MRPL19: variants seen among roughly 807,000 people sequenced by gnomAD.
The protein encoded by MRPL19 is mitochondrial ribosomal protein L19.
A neutral mutation model predicts 34.0 loss-of-function variants in MRPL19; 31 were observed. The observed-to-expected ratio is 0.91, with a 90% CI of 0.68 to 1.23. The LOEUF (loss-of-function observed/expected upper bound fraction) is 1.23. Among genes scored for constraint, MRPL19 ranks in the 50% most tolerant of loss-of-function variants. The pLI is 0.00. For missense variants in MRPL19, 384 were observed against 367.6 expected (o/e 1.04, Z -0.37); for synonymous variants, 152 against 127.7 (o/e 1.19, Z -1.28).
At chr2:75,654,711 A>G in intron 4 of MRPL19, 25 bp from the exon 5 acceptor site, 1 of 1,608,162 alleles carries the variant, frequency 6.2e-7, no homozygotes. Context: ...TTAGATTGTA[A>G]GAATATGTTT....
chr2:75,653,227 T>C (rs987317201), intron 4 of MRPL19, among the ~76,000 whole-genome samples: 32 of 152,240 alleles, frequency 2.1e-4, no homozygotes, highest in African/African-American at 7.5e-4. Flanking sequence ...AGTTGTGTGC[T>C]TCATGAAGTT....
chr2:75,654,648 T>C, intron 4 of MRPL19, 88 bp from the exon 5 acceptor site: 1 of 1,254,432 alleles, frequency 8.0e-7, no homozygotes, highest in Non-Finnish European at 1.1e-6. Context: ...TTTGTGCTAA[T>C]TCCTTTATGA....
chr2:75,656,026 T>C lies in MRPL19; in HGVS notation c.*741T>C, dbSNP rs1192566444. On this transcript the variant is annotated 3_prime_UTR_variant, in exon 6 of 6. Transcript: ENST00000393909. ...CAGAGGCCAATTTTGAGCAAATTCA[T>C]GGCTAAGGTTATGAGTGAGTTCTGC... 2.0e-5 allele frequency: 3 copies of C among 152,228 alleles called. No individual in the cohort carries two copies. The highest frequency in any genetic ancestry group is 7.2e-5 in the African/African-American group (3 of 41,456). 9.4% of individuals were successfully genotyped at this position (152,228 alleles called of 1,614,324 possible). A position where few individuals can be genotyped will look rare whatever the true frequency, so the allele number is the denominator to read the frequency against.
At chr2:75,652,748 T>A in intron 4 of MRPL19, 91 bp downstream of exon 4, 1 of 1,421,498 alleles carries the variant, frequency 7.0e-7, no homozygotes, top group Non-Finnish European at 9.6e-7. Context: ...AATCTGAAAT[T>A]TGAAAGTAAA....
intron 2 of MRPL19, among the ~76,000 whole-genome samples, chr2:75,649,770 C>T (rs1230155491): frequency 6.6e-6 from 1 of 152,058 alleles, no homozygotes; most frequent in Non-Finnish European, 1.5e-5. Flanking sequence ...GCTGGGACTA[C>T]AGGTGCCCGC....
chr2:75,647,247 G>C (rs778639577), intron 2 of MRPL19, 28 bp downstream of exon 2: 117 of 1,555,072 alleles, frequency 7.5e-5, no homozygotes, highest in Non-Finnish European at 9.7e-5. Flanking sequence ...CGCTAGGCCG[G>C]CAACTGGGGT....
chr2:75,647,171 CG>C lies in MRPL19; in HGVS notation c.174del (p.Lys59AsnfsTer18). 1.3e-6 allele frequency: 2 copies of C among 1,579,778 alleles called. No homozygotes were observed. The highest frequency in any genetic ancestry group is 1.7e-6 in the Non-Finnish European group (2 of 1,162,388). The part of the protein sequence containing the change: ...PSEPGAFQPP[P>X]KPVIVDKHRP... ...GAGCCCGGTGCGTTCCAACCGCCGC[CG>C]AAACCGGTCATCGTGGACAAGCACC... On this transcript the variant is annotated frameshift_variant, in exon 2 of 6. Coordinates refer to ENST00000393909, the MANE Select transcript of MRPL19 (RefSeq NM_014763.4). LOFTEE classifies it high-confidence loss of function.
chr2:75,650,071 A>G (rs1479986376), intron 2 of MRPL19, among the ~76,000 whole-genome samples: 1 of 152,238 alleles, frequency 6.6e-6, no homozygotes, highest in African/African-American at 2.4e-5. Flanking sequence ...TAAAATTTTC[A>G]AAGTAGAAAA....
rs1333177802 is a variant in MRPL19 at position 75,658,364 on chromosome 2, T to A, written c.*3079T>A. Among the ~76,000 whole-genome samples, 1 of 152,172 alleles carries A rather than the reference T, an allele frequency of 6.6e-6. No homozygotes were observed. The highest frequency in any genetic ancestry group is 1.5e-5 in the Non-Finnish European group (1 of 68,024). On this transcript the variant is annotated 3_prime_UTR_variant, in exon 6 of 6. Transcript: ENST00000393909. ...TTCATTTGTTTTTATGACTAAATAA[T>A]ATTCCATTGTATGTATATACATTTT...
chr2:75,651,429 C>G (rs1173920495), intron 2 of MRPL19: 1 of 537,160 alleles, frequency 1.9e-6, no homozygotes, highest in African/African-American at 1.9e-5. Context: ...CCTAGCTGTC[C>G]TCTGGACTCA....
In MRPL19 at chr2:75,655,356, A is replaced by C. The variant is rs750483960; in HGVS notation, c.*71A>C. On this transcript the variant is annotated 3_prime_UTR_variant, in exon 6 of 6. Coordinates refer to ENST00000393909, the MANE Select transcript of MRPL19 (RefSeq NM_014763.4). ...AGAGGATATATTTTGAGACCAATTT[A>C]ATTTCATTTATAAGAACATAGTAAT... is the stretch of plus-strand genomic sequence containing the variant. 104 of 1,096,322 alleles carry C rather than the reference A, an allele frequency of 9.5e-5. No individual in the cohort carries two copies. The highest frequency in any genetic ancestry group is 1.3e-4 in the Non-Finnish European group (99 of 752,362). The allele number at this position is 1,096,322 out of a possible 1,614,324, so 67.9% of individuals were successfully genotyped here.
chr2:75,649,894 A>G (rs1168613064), intron 2 of MRPL19, among the ~76,000 whole-genome samples: 2 of 152,164 alleles, frequency 1.3e-5, no homozygotes, highest in African/African-American at 4.8e-5. Flanking sequence ...CGGCCTCCCA[A>G]GTGTTGGGAT....
At position 75,656,270 on chromosome 2, in the gene MRPL19, A is replaced by G. The variant is rs1350144980; in HGVS notation, c.*985A>G. On this transcript the variant is annotated 3_prime_UTR_variant, in exon 6 of 6. Coordinates refer to ENST00000393909, the MANE Select transcript of MRPL19 (RefSeq NM_014763.4). ...TTGGAAAGCTGGGGTATAAGCACAC[A>G]TGCTAAAGAAAAACATGTAATTTGG... The G allele has an allele frequency of 2.0e-5, 3 of 152,162 alleles. No individual in the cohort carries two copies. The highest frequency in any genetic ancestry group is 2.9e-5 in the Non-Finnish European group (2 of 68,028). The allele number at this position is 152,162 out of a possible 1,614,324, so 9.4% of individuals were successfully genotyped here.
chr2:75,652,441 G>A (rs1678352543), intron 3 of MRPL19, 82 bp from the exon 4 acceptor site: 3 of 1,499,578 alleles, frequency 2.0e-6, no homozygotes, highest in Middle Eastern at 1.8e-4. Context: ...AATGCTATTT[G>A]TTTGTTTCTG....
chr2:75,648,186 T>TAA (rs1255334457), intron 2 of MRPL19, among the ~76,000 whole-genome samples: 1 of 152,208 alleles, frequency 6.6e-6, no homozygotes, highest in East Asian at 1.9e-4. Context: ...ATATCTCTTT[T>TAA]AAACAGTGGC....
rs915697358 is a variant in MRPL19 at position 75,655,288 on chromosome 2, C to T, written c.*3C>T. On this transcript the variant is annotated 3_prime_UTR_variant, in exon 6 of 6. Transcript: ENST00000393909. ...TTGAAGCGTCGAAAAGGTCTTGATT[C>T]TGAGAATGAATTTGGTTAGTTGCAG... 6.2e-7 allele frequency: 1 copy of T among 1,606,592 alleles called. No individual in the cohort carries two copies. Among genetic ancestry groups the T allele is most frequent in the Non-Finnish European group, 8.5e-7 (1 of 1,175,052 alleles).
intron 4 of MRPL19, among the ~76,000 whole-genome samples, chr2:75,654,453 T>C (rs1678393792): frequency 6.6e-6 from 1 of 152,234 alleles, no homozygotes; most frequent in African/African-American, 2.4e-5. Flanking sequence ...AAGTTACTAC[T>C]ATGAGAATTG....
chr2:75,655,213 G>C lies in MRPL19; in HGVS notation c.807G>C (p.Met269Ile). The C allele has an allele frequency of 1.2e-6, 2 of 1,613,592 alleles. No individual in the cohort carries two copies. Among genetic ancestry groups the C allele is most frequent in the Non-Finnish European group, 8.5e-7 (1 of 1,179,794 alleles). Residue 269 changes from methionine (M) to isoleucine (I), a missense_variant, in exon 6 of 6, where the codon ATG becomes ATC. Transcript: ENST00000393909. ...KWNQPWLEFD[M>I]MREYDTSKIE... The stretch of plus-strand genomic sequence containing the variant: ...ATCAGCCATGGCTTGAATTTGATAT[G>C]ATGAGGGAATATGATACTTCAAAAA...
chr2:75,653,122 A>T (rs1322651994), intron 4 of MRPL19, among the ~76,000 whole-genome samples: 1 of 152,248 alleles, frequency 6.6e-6, no homozygotes, highest in Non-Finnish European at 1.5e-5. Context: ...TTAAAAAGGC[A>T]AAATTGTGTT....
Sources: gnomAD v4.1 joint callset for allele counts (sites outside exome capture counted in the v4.1 genomes callset) on GRCh38, gnomAD v4.1.1 for gene constraint, MANE v1.5 for transcripts, NCBI Gene and HGNC (gene_info 2026-07-23, HGNC 2026-07-21) for gene names.